Variants in APP observed in about 807,000 individuals in gnomAD.
APP encodes the protein amyloid beta precursor protein.
A neutral mutation model predicts 101.4 loss-of-function variants in APP; 31 were observed. That is an observed-to-expected ratio of 0.31 (90% CI 0.23 to 0.41). APP has a LOEUF of 0.41. Among genes scored for constraint, APP ranks in the 10% least tolerant of loss-of-function variants. The pLI, the probability that APP is intolerant of heterozygous loss-of-function variation, is 1.00. For synonymous variants in APP, 366 were observed against 364.4 expected, an observed-to-expected ratio of 1.00 and a Z score of -0.05; for missense variants, 839 against 1,003.7, an observed-to-expected ratio of 0.84 and a Z score of 2.22.
intron 3 of APP, among the ~76,000 whole-genome samples, chr21:26,060,013 T>A (rs2046209516): frequency 6.7e-6 from 1 of 148,638 alleles, no homozygotes; most frequent in African/African-American, 2.5e-5. Flanking sequence ...TTAATATCCC[T>A]AAAGTACTCA....
At chr21:26,050,023 G>GGGGGTAACCATATGACCCA (rs1023182160) in intron 5 of APP, among the ~76,000 whole-genome samples, 1 of 152,146 alleles carries the variant, frequency 6.6e-6, no homozygotes, top group Non-Finnish European at 1.5e-5. Context: ...TGTAATTGGT[G>GGGGGTAACCATATGACCCA]GGGGTAACCA....
At chr21:26,031,795 A>G (rs1195733391) in intron 5 of APP, among the ~76,000 whole-genome samples, 1 of 152,172 alleles carries the variant, frequency 6.6e-6, no homozygotes, top group African/African-American at 2.4e-5. Context: ...TCAGGAAGCA[A>G]AAACAACAAA....
chr21:25,897,143 T>C (rs553563332), intron 16 of APP, among the ~76,000 whole-genome samples: 263 of 152,180 alleles, frequency 1.7e-3, no homozygotes, highest in African/African-American at 6.2e-3. Context: ...TTTTTTTTTT[T>C]TGGGATGGAG....
intron 3 of APP, chr21:26,068,217 C>G (rs920695659): frequency 2.6e-5 from 4 of 152,224 alleles, no homozygotes; most frequent in Non-Finnish European, 4.4e-5. Flanking sequence ...TAGACTGTCA[C>G]TCTCACGCCC....
rs200922667 is a variant in APP at position 25,911,817 on chromosome 21, T to C, written c.1833A>G (p.Gly611=). The change falls in exon 14 of 18, where the codon GGA becomes GGG. Residue 611 remains glycine (G), a synonymous_variant. Transcript: ENST00000346798. ...GCTGGAGATCGTCCAGGCTGAACTC[T>C]CCATTCACGGGAAGGAGCTCCACGG... ...KTTVELLPVN[G]EFSLDDLQPW... The C allele has an allele frequency of 1.6e-4, 254 of 1,614,132 alleles. 1 individual carries two copies. In the East Asian group the frequency reaches 4.9e-3, roughly 31 times the overall value.
At chr21:26,016,573 T>C (rs966165798) in intron 6 of APP, among the ~76,000 whole-genome samples, 2 of 152,060 alleles carry the variant, frequency 1.3e-5, no homozygotes, top group African/African-American at 2.4e-5. Context: ...CAGGACAATT[T>C]ATTTTATTCT....
chr21:26,156,807 T>C (rs1185131574), intron 1 of APP, among the ~76,000 whole-genome samples: 1 of 152,150 alleles, frequency 6.6e-6, no homozygotes, highest in African/African-American at 2.4e-5. Context: ...TATTTAATTT[T>C]CAAATTCTAA....
At chr21:26,040,088 C>T (rs943680938) in intron 5 of APP, among the ~76,000 whole-genome samples, 1 of 151,952 alleles carries the variant, frequency 6.6e-6, no homozygotes, top group Non-Finnish European at 1.5e-5. Context: ...TTCAAAAATA[C>T]CTTATACACA....
chr21:25,935,964 G>A (rs1253761962), intron 13 of APP, among the ~76,000 whole-genome samples: 1 of 151,784 alleles, frequency 6.6e-6, no homozygotes, highest in Non-Finnish European at 1.5e-5. Context: ...CCACAACCTC[G>A]TTTTAATGCC....
intron 17 of APP, among the ~76,000 whole-genome samples, chr21:25,887,637 A>G (rs149853883): frequency 3.9e-5 from 6 of 152,172 alleles, no homozygotes; most frequent in African/African-American, 1.4e-4. Context: ...ACGACAGACC[A>G]AACATATGAT....
At chr21:25,977,919 C>CT (rs1301449815) in intron 9 of APP, among the ~76,000 whole-genome samples, 1 of 152,198 alleles carries the variant, frequency 6.6e-6, no homozygotes, top group Non-Finnish European at 1.5e-5. Context: ...CAATTTCCTG[C>CT]TTTGGGAATG....
At chr21:26,053,180 A>G in intron 4 of APP, 56 bp downstream of exon 4, 1 of 1,310,892 alleles carries the variant, frequency 7.6e-7, no homozygotes, top group Non-Finnish European at 1.1e-6. Flanking sequence ...AATGCCATTA[A>G]GCACGTCCCC....
chr21:26,151,712 G>A (rs1347818056), intron 1 of APP, among the ~76,000 whole-genome samples: 1 of 152,062 alleles, frequency 6.6e-6, no homozygotes, highest in African/African-American at 2.4e-5. Context: ...TAGGGTTTGC[G>A]CTCCTATGAG....
intron 14 of APP, among the ~76,000 whole-genome samples, chr21:25,908,055 T>G (rs987365471): frequency 2.0e-5 from 3 of 152,232 alleles, no homozygotes; most frequent in African/African-American, 7.2e-5. Flanking sequence ...AAAGACTTGC[T>G]GGCAGTCACT....
intron 6 of APP, among the ~76,000 whole-genome samples, chr21:26,008,719 T>C (rs1362438879): frequency 1.3e-5 from 2 of 152,178 alleles, no homozygotes; most frequent in African/African-American, 4.8e-5. Flanking sequence ...TGAACACATG[T>C]AGGGAGACTG....
At chr21:26,060,980 G>A (rs2046244855) in intron 3 of APP, among the ~76,000 whole-genome samples, 1 of 152,150 alleles carries the variant, frequency 6.6e-6, no homozygotes, top group African/African-American at 2.4e-5. Flanking sequence ...ATGCTGGAAG[G>A]CTCTGGGGTG....
chr21:25,904,482 AC>A (rs1412452336), intron 15 of APP, among the ~76,000 whole-genome samples: 2 of 152,178 alleles, frequency 1.3e-5, no homozygotes, highest in Admixed American at 1.3e-4. Flanking sequence ...AGTACATACA[AC>A]CCACAAAACA....
At chr21:25,971,504 G>A (rs1232443066) in intron 11 of APP, among the ~76,000 whole-genome samples, 1 of 152,242 alleles carries the variant, frequency 6.6e-6, no homozygotes, top group East Asian at 1.9e-4. Flanking sequence ...AGGACTCGTG[G>A]AGTGGAGGAC....
chr21:26,073,494 G>T (rs1020395126), intron 3 of APP, among the ~76,000 whole-genome samples: 8 of 152,064 alleles, frequency 5.3e-5, no homozygotes, highest in African/African-American at 1.7e-4. Flanking sequence ...AGGTGACTGT[G>T]GAGGGAACTG....
Sources: allele counts gnomAD v4.1 joint callset (sites outside exome capture counted in the v4.1 genomes callset), GRCh38; gene constraint gnomAD v4.1.1; transcripts MANE v1.5; gene names NCBI Gene and HGNC (gene_info 2026-07-23, HGNC 2026-07-21).